The following IRS4 variants were observed in gnomAD, a reference collection of about 807,000 sequenced individuals.
The protein encoded by IRS4 is insulin receptor substrate 4.
A neutral mutation model predicts 48.6 loss-of-function variants in IRS4; 15 were observed. That is an observed-to-expected ratio of 0.31 (90% CI 0.21 to 0.48). The LOEUF is 0.48. Ranked by LOEUF, IRS4 falls within the 20% of genes least tolerant of loss-of-function variation. The pLI, the probability that IRS4 is intolerant of heterozygous loss-of-function variation, is 0.99. For synonymous variants in IRS4, 459 were observed against 413.2 expected, an observed-to-expected ratio of 1.11 and a Z score of -1.34; for missense variants, 987 against 1,023.4, an observed-to-expected ratio of 0.96 and a Z score of 0.49.
rs2068944064 is a variant in IRS4 at position 108,735,628 on chromosome X, G to C, written c.717C>G (p.Val239=). 1 of 1,204,027 alleles carries C rather than the reference G, an allele frequency of 8.3e-7. No individual in the cohort carries two copies. The highest frequency in any genetic ancestry group is 1.1e-6 in the Non-Finnish European group (1 of 893,560). Residue 239 remains valine (V), a synonymous_variant, in exon 1 of 2, where the codon GTC becomes GTG. Coordinates refer to ENST00000372129, the MANE Select transcript of IRS4 (RefSeq NM_001379150.1). ...TTCTGTGCCCCAGCCCCCTGGGTTT[G>C]ACTATTACCTGCCACACATCTTTAT... ...PFYKDVWQVI[V]KPRGLGHRKE... is the part of the protein sequence containing the mutation.
intron 1 of IRS4, among the ~76,000 whole-genome samples, chrX:108,729,455 C>T (rs2148015187): frequency 9.0e-6 from 1 of 110,798 alleles, no homozygotes; most frequent in South Asian, 3.8e-4. Context: ...AATTGTACAT[C>T]AGGTAAGGTA....
In IRS4 at chrX:108,735,215, A is replaced by C; in HGVS notation, c.1130T>G (p.Phe377Cys). The change falls in exon 1 of 2, where the codon TTT becomes TGT. Residue 377 changes from phenylalanine to cysteine, a missense_variant. Coordinates refer to ENST00000372129, the MANE Select transcript of IRS4 (RefSeq NM_001379150.1). ...GGCCCTGAGGTGGCAAAACTGCTCAAAGCGGGACCTTCTGAGCCAGCCTCC... is the reference window on the plus strand; with the variant it reads ...GGCCCTGAGGTGGCAAAACTGCTCACAGCGGGACCTTCTGAGCCAGCCTCC... ...EPGGWLRRSR[F>C]EQFCHLRAIG... 1.7e-6 allele frequency: 2 copies of C among 1,211,553 alleles called. No homozygotes were observed.
rs138870709 is a variant in IRS4, at chrX:108,734,610, C to T, written c.1735G>A (p.Gly579Ser). Residue 579 changes from glycine to serine, a missense_variant, in exon 1 of 2, where the codon GGC (glycine) becomes AGC (serine). Transcript: ENST00000372129. ...TTCTTGCCACCACCTGAGCCATGGC[C>T]ATCTCCAGGTCCCTGGCCACCACCT... is the stretch of plus-strand genomic sequence containing the variant. ...GSGGGQGPGD[G>S]HGSGGGKNSG... 6.4e-5 allele frequency: 78 copies of T among 1,209,647 alleles called. No individual in the cohort carries two copies. The highest frequency in any genetic ancestry group is 2.1e-5 in the Non-Finnish European group (19 of 895,164).
intron 1 of IRS4, chrX:108,724,392 A>T (rs2068866066): frequency 8.9e-6 from 1 of 112,627 alleles, no homozygotes; most frequent in East Asian, 2.8e-4. Flanking sequence ...ACATTTGTCA[A>T]TTCTTGATTA....
chrX:108,732,527 T>A, intron 1 of IRS4, 52 bp downstream of exon 1: 2 of 1,210,283 alleles, frequency 1.7e-6, no homozygotes, highest in Non-Finnish European at 2.2e-6. Context: ...GCGCATCGAA[T>A]CATTAGACAA....
chrX:108,728,216 T>A (rs1295757321), intron 1 of IRS4, among the ~76,000 whole-genome samples: 1 of 111,926 alleles, frequency 8.9e-6, no homozygotes, highest in African/African-American at 3.2e-5. Context: ...TTTAAAACAT[T>A]CAATTCCAGC....
At position 108,735,680 on chromosome X, in the gene IRS4, G is replaced by A; in HGVS notation, c.665C>T (p.Ala222Val). The change falls in exon 1 of 2, where the codon GCG (alanine) becomes GTG (valine). Residue 222 changes from alanine (A) to valine (V), a missense_variant. Physicochemically the swap from Ala to Val is moderately conservative, Grantham distance 64. Around this residue, in one of 4 missense-constraint regions of IRS4, gnomAD observed 173 missense variants for 208.9 expected, o/e 0.83. Transcript: ENST00000372129. Reference sequence around the variant, plus strand: ...GAAGGGTGGCTCCGCCGCCGCTGCCGCCGCCAGCGCGGCCGGCTCTCCGTC... The same window carrying A: ...GAAGGGTGGCTCCGCCGCCGCTGCCACCGCCAGCGCGGCCGGCTCTCCGTC... ...QPDGEPAALA[A>V]AAAAEPPFYK... 1 of 1,183,724 alleles carries A rather than the reference G, an allele frequency of 8.4e-7. No individual in the cohort carries two copies.
In IRS4 at chrX:108,720,447, T is replaced by G. The variant is rs1007718846; in HGVS notation, c.*2072A>C. 8.9e-5 allele frequency: 10 copies of G among 112,349 alleles called. No homozygotes were observed. Among genetic ancestry groups the G allele is most frequent in the African/African-American group, 3.2e-4 (10 of 30,951 alleles). The allele number at this position is 112,349 out of a possible 1,213,427, so 9.3% of individuals were successfully genotyped here. A position where few individuals can be genotyped will look rare whatever the true frequency, so the allele number is the denominator to read the frequency against. On this transcript the variant is annotated 3_prime_UTR_variant, in exon 2 of 2. Coordinates refer to ENST00000372129, the MANE Select transcript of IRS4 (RefSeq NM_001379150.1). ...CTGTGACTATGTGTACCTGTTACTA[T>G]TTGTATAATACGTACTACTGTGTAT... is the stretch of plus-strand genomic sequence containing the variant.
In IRS4 at chrX:108,735,362, ATCT is replaced by A; in HGVS notation, c.980_982del (p.Lys327del). 8.3e-7 allele frequency: 1 copy of A among 1,211,045 alleles called. No individual in the cohort carries two copies. The highest frequency in any genetic ancestry group is 1.1e-6 in the Non-Finnish European group (1 of 895,354). On this transcript the variant is annotated inframe_deletion, in exon 1 of 2. Transcript: ENST00000372129. The stretch of plus-strand genomic sequence containing the variant: ...GTATTCGTCTGCACACAAGGCTCTC[ATCT>A]TCTCCAAAAACAGCTCATGCATGTT...
chrX:108,722,507 G>C lies in IRS4; in HGVS notation c.*12C>G, dbSNP rs1184142465. On this transcript the variant is annotated 3_prime_UTR_variant, in exon 2 of 2. Coordinates refer to ENST00000372129, the MANE Select transcript of IRS4 (RefSeq NM_001379150.1). ...CACTTTTCTTCTAAAATGTGTTTTTGTGGCAATATAATCACTCTAGGAAAA... is the reference window on the plus strand; with the variant it reads ...CACTTTTCTTCTAAAATGTGTTTTTCTGGCAATATAATCACTCTAGGAAAA... 1 of 325,301 alleles carries C rather than the reference G, an allele frequency of 3.1e-6. No homozygotes were observed. The highest frequency in any genetic ancestry group is 6.0e-6 in the Non-Finnish European group (1 of 167,787). The allele number at this position is 325,301 out of a possible 1,213,427, so 26.8% of individuals were successfully genotyped here. A position where few individuals can be genotyped will look rare whatever the true frequency, so the allele number is the denominator to read the frequency against.
chrX:108,735,164 A>C lies in IRS4; in HGVS notation c.1181T>G (p.Leu394Arg), dbSNP rs2069020313. ...GGGTGTTACGAAGCGCCTGGTGAAA[A>C]GCATCTCGTCTTCCCCGTCGCCGAT... ...RAIGDGEDEM[L>R]FTRRFVTPSE... Residue 394 changes from leucine to arginine, a missense_variant, in exon 1 of 2, where the codon CTT (leucine) becomes CGT (arginine). Physicochemically the swap from Leu to Arg is moderately radical, Grantham distance 102. Coordinates refer to ENST00000372129, the MANE Select transcript of IRS4 (RefSeq NM_001379150.1). 8.3e-7 allele frequency: 1 copy of C among 1,211,149 alleles called. No homozygotes were observed. Among genetic ancestry groups the C allele is most frequent in the African/African-American group, 1.7e-5 (1 of 57,605 alleles).
chrX:108,734,810 G>C lies in IRS4; in HGVS notation c.1535C>G (p.Ser512Cys). 8.3e-7 allele frequency: 1 copy of C among 1,210,659 alleles called. No homozygotes were observed. The highest frequency in any genetic ancestry group is 1.8e-5 in the South Asian group (1 of 56,937). The change falls in exon 1 of 2, where the codon TCC (serine) becomes TGC (cysteine). Residue 512 changes from serine to cysteine, a missense_variant. Physicochemically the swap from Ser to Cys is moderately radical, Grantham distance 112. This residue lies in a region of IRS4 where 720 missense variants were observed against 660.3 expected (regional missense o/e 1.09). Coordinates refer to ENST00000372129, the MANE Select transcript of IRS4 (RefSeq NM_001379150.1). ...GTTTCCTCCCGAGCTATGGCTACTG[G>C]AGCCTTGGCCATTTGAGCCCTGGCC... ...GGGQGSNGQG[S>C]SSHSSGGNQC...
rs1235100047 is a variant in IRS4, at chrX:108,722,498, T to A, written c.*21A>T. 3.1e-6 allele frequency: 1 copy of A among 325,825 alleles called. No individual in the cohort carries two copies. Among genetic ancestry groups the A allele is most frequent in the Admixed American group, 3.2e-5 (1 of 31,615 alleles). The allele number at this position is 325,825 out of a possible 1,213,427, so 26.9% of individuals were successfully genotyped here. On this transcript the variant is annotated 3_prime_UTR_variant, in exon 2 of 2. Transcript: ENST00000372129. ...CATAAGCATCACTTTTCTTCTAAAA[T>A]GTGTTTTTGTGGCAATATAATCACT...
Position 108,733,759 on chromosome X carries a change from T to C in IRS4, c.2586A>G (p.Gly862=), listed in dbSNP as rs1268642282. The C allele has an allele frequency of 8.3e-7, 1 of 1,210,133 alleles. No individual in the cohort carries two copies. Residue 862 remains glycine, a synonymous_variant, in exon 1 of 2, where the codon GGA becomes GGG. Transcript: ENST00000372129. The part of the protein sequence containing the change: ...KDAASKPSGE[G]SFSKPGDGGS... ...CCCCATCTCCAGGCTTTGAGAATGA[T>C]CCCTCACCTGAAGGCTTTGAAGCTG...
chrX:108,728,191 C>G (rs1314054893), intron 1 of IRS4, among the ~76,000 whole-genome samples: 1 of 111,866 alleles, frequency 8.9e-6, no homozygotes, highest in East Asian at 2.8e-4. Context: ...TTAACCAACT[C>G]CTCCCTATAT....
chrX:108,734,952 A>G lies in IRS4; in HGVS notation c.1393T>C (p.Ser465Pro). The G allele has an allele frequency of 1.7e-6, 2 of 1,211,923 alleles. No homozygotes were observed. The highest frequency in any genetic ancestry group is 2.2e-6 in the Non-Finnish European group (2 of 895,584). Residue 465 changes from serine to proline, a missense_variant, in exon 1 of 2, where the codon TCT becomes CCT. Coordinates refer to ENST00000372129, the MANE Select transcript of IRS4 (RefSeq NM_001379150.1). The part of the protein sequence containing the change: ...RLSSEVSGSG[S>P]GNFGEEGNPQ... ...TTGCCTTCCTCCCCAAAGTTGCCAGAGCCAGAACCAGACACTTCAGAAGAC... is the reference window on the plus strand; with the variant it reads ...TTGCCTTCCTCCCCAAAGTTGCCAGGGCCAGAACCAGACACTTCAGAAGAC...
chrX:108,731,175 A>C (rs1230925921), intron 1 of IRS4, among the ~76,000 whole-genome samples: 1 of 109,411 alleles, frequency 9.1e-6, no homozygotes, highest in Admixed American at 9.8e-5. Context: ...TGCAAATGTG[A>C]GTTTGTGTAT....
At chrX:108,726,027 A>G (rs942413339) in intron 1 of IRS4, 3 of 112,230 alleles carry the variant, frequency 2.7e-5, no homozygotes, top group Non-Finnish European at 5.6e-5. Flanking sequence ...CCCAACACAC[A>G]CATGGGCCAC....
rs113384043 is a variant in IRS4, at chrX:108,735,015, G to C, written c.1330C>G (p.Arg444Gly). 1 of 1,211,940 alleles carries C rather than the reference G, an allele frequency of 8.3e-7. No homozygotes were observed. The highest frequency in any genetic ancestry group is 1.7e-5 in the African/African-American group (1 of 57,837). The change falls in exon 1 of 2, where the codon CGG becomes GGG. Residue 444 changes from arginine to glycine, a missense_variant. This residue lies in a region of IRS4 where 720 missense variants were observed against 660.3 expected (regional missense o/e 1.09). Coordinates refer to ENST00000372129, the MANE Select transcript of IRS4 (RefSeq NM_001379150.1). ...TTGTTCGGGGCTTCTGCAGGGTGCC[G>C]GGGACGTGCTGGGCTGGGTGCTAAG... is the stretch of plus-strand genomic sequence containing the variant. Reference protein sequence around the residue: ...RRLAPSPARPRHPAEAPNNGA... With the variant: ...RRLAPSPARPGHPAEAPNNGA...
Sources: gnomAD v4.1 joint callset for allele counts (sites outside exome capture counted in the v4.1 genomes callset) on GRCh38, gnomAD v4.1.1 for gene constraint, gnomAD v4.1.1 regional missense constraint, MANE v1.5 for transcripts, NCBI Gene and HGNC (gene_info 2026-07-23, HGNC 2026-07-21) for gene names.